The following CD58 variants were observed in gnomAD, a reference collection of about 807,000 sequenced individuals.
CD58 encodes the protein CD58 molecule.
Under a neutral mutation model 27.6 loss-of-function variants are expected in CD58, and 14 were observed. The ratio of observed to expected loss-of-function variants is 0.51; its 90% CI spans 0.34 to 0.79. CD58 has a LOEUF of 0.79. Among genes scored for constraint, CD58 ranks in the 30% least tolerant of loss-of-function variants. CD58 has a pLI of 0.02. For synonymous variants in CD58, 117 were observed against 103.8 expected (o/e 1.13, Z -0.77); for missense variants, 268 against 301.7 (o/e 0.89, Z 0.83).
chr1:116,547,826 C>G (rs1368828879), intron 1 of CD58, among the ~76,000 whole-genome samples: 1 of 152,084 alleles, frequency 6.6e-6, no homozygotes, highest in Admixed American at 6.6e-5. Flanking sequence ...GGTAGATACC[C>G]AGTAATGGGA....
At chr1:116,529,471 A>C (rs1657528261) in intron 3 of CD58, among the ~76,000 whole-genome samples, 2 of 152,192 alleles carry the variant, frequency 1.3e-5, no homozygotes, top group Admixed American at 1.3e-4. Flanking sequence ...TCCAGATTAT[A>C]ATTCTCCATC....
intron 3 of CD58, among the ~76,000 whole-genome samples, chr1:116,529,788 A>G (rs1265426370): frequency 6.6e-6 from 1 of 152,210 alleles, no homozygotes; most frequent in Non-Finnish European, 1.5e-5. Flanking sequence ...TCTGTCCTCA[A>G]TCTTAACTGT....
intron 1 of CD58, among the ~76,000 whole-genome samples, chr1:116,562,919 GC>G (rs1658804861): frequency 6.6e-6 from 1 of 152,050 alleles, no homozygotes; most frequent in South Asian, 2.1e-4. Flanking sequence ...ACACAATAAT[GC>G]CCTTCCAACA....
intron 2 of CD58, among the ~76,000 whole-genome samples, chr1:116,542,401 T>C (rs1411528225): frequency 6.6e-6 from 1 of 152,240 alleles, no homozygotes; most frequent in Non-Finnish European, 1.5e-5. Context: ...TGACATGGAC[T>C]GAGAATGAAC....
At position 116,516,992 on chromosome 1, in the gene CD58, C is replaced by T. The variant is rs1375690469; in HGVS notation, c.744-2170G>A. 6.6e-6 allele frequency among the ~76,000 whole-genome samples: 1 copy of T among 152,102 alleles called. No homozygotes were observed. Among genetic ancestry groups the T allele is most frequent in the African/African-American group, 2.4e-5 (1 of 41,406 alleles). ...GCCTGGTATCGCATAATCTCCATAACGTTTGTTGTGATGAAAGGAACAGAG... is the reference window on the plus strand; with the variant it reads ...GCCTGGTATCGCATAATCTCCATAATGTTTGTTGTGATGAAAGGAACAGAG... On this transcript the variant is annotated intron_variant, in intron 5 of 5. Transcript: ENST00000369489. This position sits in a 1 kb window ranked among gnomAD's most constrained non-coding sequence, Gnocchi z 6.1.
At position 116,526,895 on chromosome 1, in the gene CD58, G is replaced by A. The variant is rs530184744; in HGVS notation, c.629-4912C>T. On this transcript the variant is annotated intron_variant, in intron 3 of 5. Transcript: ENST00000369489. ...TGTTGATTTTCTCATATAAATCTGG[G>A]ACATATTTTGTTATTGTACCTAAGT... Among the ~76,000 whole-genome samples the A allele has an allele frequency of 2.6e-5, 4 of 152,064 alleles. No homozygotes were observed. The East Asian group carries it at 7.7e-4, about 29-fold the overall frequency.
intron 3 of CD58, among the ~76,000 whole-genome samples, chr1:116,525,079 A>C (rs1657387039): frequency 6.6e-6 from 1 of 152,276 alleles, no homozygotes; most frequent in Non-Finnish European, 1.5e-5. Context: ...TTATCATTAA[A>C]AAATCCACAC....
At chr1:116,555,469 G>C (rs965299132) in intron 1 of CD58, among the ~76,000 whole-genome samples, 5 of 152,154 alleles carry the variant, frequency 3.3e-5, no homozygotes, top group Admixed American at 1.3e-4. Flanking sequence ...AAGAGAGATG[G>C]AGGGAGGGAA....
intron 1 of CD58, among the ~76,000 whole-genome samples, chr1:116,567,356 C>A (rs1020651978): frequency 6.6e-6 from 1 of 151,322 alleles, no homozygotes; most frequent in African/African-American, 2.4e-5. Flanking sequence ...ATTTTAGTGG[C>A]TGGATGTGGT....
chr1:116,537,204 C>T (rs1045695692), intron 2 of CD58, among the ~76,000 whole-genome samples: 16 of 152,212 alleles, frequency 1.1e-4, no homozygotes, highest in East Asian at 7.7e-4. Context: ...TGTGCCAGTG[C>T]ACTCTAGCTC....
intron 1 of CD58, among the ~76,000 whole-genome samples, chr1:116,548,355 G>A (rs1408134990): frequency 5.5e-5 from 1 of 18,220 alleles, no homozygotes. Flanking sequence ...TTGGGTTCTT[G>A]GTCATGACCT....
chr1:116,567,846 G>T (rs752933963), intron 1 of CD58, among the ~76,000 whole-genome samples: 1 of 152,030 alleles, frequency 6.6e-6, no homozygotes, highest in Non-Finnish European at 1.5e-5. Flanking sequence ...AAATGTCAAA[G>T]TTAACATCTC....
In CD58 at chr1:116,523,601, C is replaced by T. The variant is rs1451187597; in HGVS notation, c.629-1618G>A. On this transcript the variant is annotated intron_variant, in intron 3 of 5. Coordinates refer to ENST00000369489, the MANE Select transcript of CD58 (RefSeq NM_001779.3). This position sits in a 1 kb window ranked among gnomAD's most constrained non-coding sequence, Gnocchi z 4.4. The stretch of plus-strand genomic sequence containing the variant: ...ATTCAGATATTCCTTGGCAATAATA[C>T]TCCCCAAGTAGTGTTTGTATACTTC... Among the ~76,000 whole-genome samples, 3 of 152,150 alleles carry T rather than the reference C, an allele frequency of 2.0e-5. No individual in the cohort carries two copies. Among genetic ancestry groups the T allele is most frequent in the Non-Finnish European group, 2.9e-5 (2 of 68,018 alleles).
rs201048075 is a variant in CD58 at position 116,538,615 on chromosome 1, GT to G, written c.365-2388del. On this transcript the variant is annotated intron_variant, in intron 2 of 5. Transcript: ENST00000369489. The surrounding 1 kb of genome is among the most constrained non-coding windows in gnomAD (Gnocchi z 4.7). ...ACCATCCCAGGTGCTTCTGATGTAT[GT>G]GGCCTGTTTGTTCTGTTGCAGATTC... Among the ~76,000 whole-genome samples, 4 of 152,334 alleles carry G rather than the reference GT, an allele frequency of 2.6e-5. No homozygotes were observed. In the East Asian group the frequency reaches 7.7e-4, roughly 29 times the overall value.
At chr1:116,543,879 T>TGCCACTGCACTCTG (rs1377219976) in intron 2 of CD58, among the ~76,000 whole-genome samples, 3 of 152,092 alleles carry the variant, frequency 2.0e-5, no homozygotes, top group African/African-American at 7.2e-5. Flanking sequence ...GCCAAGATTG[T>TGCCACTGCACTCTG]GCCACTGCAC....
Position 116,517,560 on chromosome 1 carries a change from GTC to G in CD58, c.743+1669_743+1670del, listed in dbSNP as rs1455603697. ...AGCAACCGACTCCACAAAACCAAAG[GTC>G]TTAACCCCTCGCCTACCTCCTTGTC... On this transcript the variant is annotated intron_variant, in intron 5 of 5. Coordinates refer to ENST00000369489, the MANE Select transcript of CD58 (RefSeq NM_001779.3). This position sits in a 1 kb window ranked among gnomAD's most constrained non-coding sequence, Gnocchi z 6.5. 3.3e-5 allele frequency among the ~76,000 whole-genome samples: 5 copies of G among 152,210 alleles called. No individual in the cohort carries two copies. In the East Asian group the frequency reaches 9.6e-4, roughly 29 times the overall value.
intron 1 of CD58, among the ~76,000 whole-genome samples, chr1:116,545,271 G>A (rs1658130890): frequency 6.6e-6 from 1 of 152,204 alleles, no homozygotes; most frequent in South Asian, 2.1e-4. Flanking sequence ...TCCTAATGGA[G>A]AGGAAGCCAC....
At chr1:116,539,748 C>T (rs2101182765) in intron 2 of CD58, among the ~76,000 whole-genome samples, 1 of 152,280 alleles carries the variant, frequency 6.6e-6, no homozygotes, top group South Asian at 2.1e-4. Context: ...TTCTACACCT[C>T]AGATCTTTTC....
rs1659106875 is a variant in CD58, at chr1:116,570,550, C to T, written c.70+353G>A. ...CACGGCTGGGAAAAATTTTGCAGTC[C>T]GCTGAAGCGCTCAGCGACGTTACTG... On this transcript the variant is annotated intron_variant, in intron 1 of 5. Transcript: ENST00000369489. This position sits in a 1 kb window ranked among gnomAD's most constrained non-coding sequence, Gnocchi z 6.4. Among the ~76,000 whole-genome samples, 1 of 151,898 alleles carries T rather than the reference C, an allele frequency of 6.6e-6. No homozygotes were observed. Among genetic ancestry groups the T allele is most frequent in the South Asian group, 2.1e-4 (1 of 4,814 alleles).
Sources: allele counts gnomAD v4.1 joint callset (sites outside exome capture counted in the v4.1 genomes callset), GRCh38; gene constraint gnomAD v4.1.1; non-coding constraint Gnocchi (gnomAD v3.1); transcripts MANE v1.5; gene names NCBI Gene and HGNC (gene_info 2026-07-23, HGNC 2026-07-21).